The following CTNNA2 variants were observed in gnomAD, a reference collection of about 807,000 sequenced individuals.
The protein encoded by CTNNA2 is catenin alpha 2.
CTNNA2 carries 42 observed loss-of-function variants against 101.0 expected under a neutral mutation model. The observed-to-expected ratio is 0.42, with a 90% confidence interval of 0.32 to 0.54. The LOEUF is 0.54. CTNNA2 is among the 20% of genes least tolerant of loss of function. The pLI is 0.14. For synonymous variants in CTNNA2, 450 were observed against 456.4 expected, an observed-to-expected ratio of 0.99 and a Z score of 0.18; for missense variants, 871 against 1,223.1, an observed-to-expected ratio of 0.71 and a Z score of 4.29.
rs564276543 is a variant in CTNNA2 at position 80,637,557 on chromosome 2, G to A, written c.2575-10028G>A. ...AAAGGGGCTGGGGTCCCAAGGAGAG[G>A]CAGCAAACATTCACTGGGAACGGAA... On this transcript the variant is annotated intron_variant, in intron 18 of 18. Transcript: ENST00000402739. Among the ~76,000 whole-genome samples, 4 of 152,180 alleles carry A rather than the reference G, an allele frequency of 2.6e-5. No homozygotes were observed. The East Asian group carries it at 7.8e-4, about 30-fold the overall frequency.
chr2:80,194,231 A>G (rs1383965080), intron 7 of CTNNA2, among the ~76,000 whole-genome samples: 1 of 152,200 alleles, frequency 6.6e-6, no homozygotes, highest in Non-Finnish European at 1.5e-5. Flanking sequence ...CAACATACTA[A>G]ATTATTAAAG....
chr2:79,451,918 C>A (rs1431792626), intron 4 of CTNNA2, among the ~76,000 whole-genome samples: 2 of 151,824 alleles, frequency 1.3e-5, no homozygotes, highest in African/African-American at 4.8e-5. Context: ...TTTCAATGAA[C>A]AACATCTAGA....
chr2:80,248,986 G>A (rs1005207678), intron 7 of CTNNA2, among the ~76,000 whole-genome samples: 3 of 152,124 alleles, frequency 2.0e-5, no homozygotes, highest in East Asian at 1.9e-4. Context: ...GTGATTGCAC[G>A]GTCAGGTGGC....
At chr2:79,281,743 A>C (rs1036909344) in intron 2 of CTNNA2, among the ~76,000 whole-genome samples, 1 of 152,210 alleles carries the variant, frequency 6.6e-6, no homozygotes, top group African/African-American at 2.4e-5. Context: ...ATTTTTGTTT[A>C]TTGATACCAG....
intron 3 of CTNNA2, among the ~76,000 whole-genome samples, chr2:79,338,853 G>A (rs1451487422): frequency 6.6e-6 from 1 of 152,092 alleles, no homozygotes; most frequent in Non-Finnish European, 1.5e-5. Flanking sequence ...AGGAAGGTGT[G>A]AAAGATGATT....
intron 7 of CTNNA2, among the ~76,000 whole-genome samples, chr2:80,364,789 C>G (rs1239567432): frequency 1.3e-5 from 2 of 152,106 alleles, no homozygotes; most frequent in Non-Finnish European, 2.9e-5. Flanking sequence ...ATAATCACCT[C>G]TGTGTCTTCT....
At chr2:79,772,001 C>T (rs563304867) in intron 3 of CTNNA2, among the ~76,000 whole-genome samples, 24 of 150,912 alleles carry the variant, frequency 1.6e-4, no homozygotes, top group Admixed American at 4.0e-4. Context: ...ACCCCCCCTC[C>T]TCCCCTCCCC....
intron 4 of CTNNA2, among the ~76,000 whole-genome samples, chr2:79,401,833 C>G (rs981958155): frequency 6.6e-6 from 1 of 151,266 alleles, no homozygotes; most frequent in East Asian, 1.9e-4. Context: ...TGAATATATA[C>G]CTTTTAAAAA....
intron 2 of CTNNA2, among the ~76,000 whole-genome samples, chr2:79,729,642 C>T (rs1007996860): frequency 2.0e-5 from 3 of 152,038 alleles, no homozygotes; most frequent in Admixed American, 6.6e-5. Flanking sequence ...CAAGAAGAAC[C>T]TTGACAAGCA....
chr2:79,409,615 T>A (rs1343008120), intron 4 of CTNNA2, among the ~76,000 whole-genome samples: 1 of 150,370 alleles, frequency 6.7e-6, no homozygotes, highest in Admixed American at 6.7e-5. Flanking sequence ...GTTGTAGATA[T>A]GCGGCATTAT....
intron 7 of CTNNA2, among the ~76,000 whole-genome samples, chr2:80,278,440 T>G (rs1240499889): frequency 6.6e-6 from 1 of 152,126 alleles, no homozygotes; most frequent in African/African-American, 2.4e-5. Context: ...TCACCCATGG[T>G]CTGGTGGTTG....
At chr2:79,779,927 C>T (rs376371885) in intron 3 of CTNNA2, among the ~76,000 whole-genome samples, 15 of 152,124 alleles carry the variant, frequency 9.9e-5, no homozygotes, top group Admixed American at 9.8e-4. Context: ...CCTCATTATA[C>T]CCGCCTGCCT....
intron 17 of CTNNA2, among the ~76,000 whole-genome samples, chr2:80,609,281 A>G (rs1301589779): frequency 2.0e-5 from 3 of 151,780 alleles, no homozygotes; most frequent in Non-Finnish European, 2.9e-5. Flanking sequence ...AAGTTTGGCC[A>G]TTTGGTAAAA....
At chr2:79,566,331 T>G (rs1326320767) in intron 1 of CTNNA2, among the ~76,000 whole-genome samples, 1 of 152,194 alleles carries the variant, frequency 6.6e-6, no homozygotes, top group South Asian at 2.1e-4. Context: ...ACCTTTCCCA[T>G]GTTGCAGGAG....
intron 7 of CTNNA2, among the ~76,000 whole-genome samples, chr2:80,180,236 C>G (rs1355562090): frequency 6.6e-6 from 1 of 152,152 alleles, no homozygotes; most frequent in Non-Finnish European, 1.5e-5. Flanking sequence ...CTCCTTCATT[C>G]AAGGGGTTCT....
intron 1 of CTNNA2, among the ~76,000 whole-genome samples, chr2:79,636,104 AC>A (rs1680025194): frequency 1.0e-5 from 1 of 98,982 alleles, no homozygotes. Flanking sequence ...TACTAAAAAT[AC>A]AAAAAAAAAA....
intron 12 of CTNNA2, among the ~76,000 whole-genome samples, chr2:80,565,572 A>G (rs1558593512): frequency 7.2e-6 from 1 of 138,310 alleles, no homozygotes; most frequent in Non-Finnish European, 1.6e-5. Flanking sequence ...AGTTCTTTCC[A>G]AAAGAGACTA....
chr2:80,519,942 G>A (rs7594077), intron 9 of CTNNA2, among the ~76,000 whole-genome samples: 12,273 of 152,080 alleles, frequency 0.081, 830 homozygotes, highest in East Asian at 0.32. Context: ...GACTGGTCAC[G>A]CCTGTCACAC....
chr2:80,478,478 G>T (rs1483947339), intron 9 of CTNNA2, among the ~76,000 whole-genome samples: 1 of 152,132 alleles, frequency 6.6e-6, no homozygotes, highest in Non-Finnish European at 1.5e-5. Flanking sequence ...CCAATGACCA[G>T]AAGAGTTTTT....
Sources: allele counts gnomAD v4.1 joint callset (sites outside exome capture counted in the v4.1 genomes callset), GRCh38; gene constraint gnomAD v4.1.1; transcripts MANE v1.5; gene names NCBI Gene and HGNC (gene_info 2026-07-23, HGNC 2026-07-21).